ADAMTS12: variants seen among roughly 807,000 people sequenced by gnomAD.
The protein encoded by ADAMTS12 is ADAM metallopeptidase with thrombospondin type 1 motif 12.
A neutral mutation model predicts 167.8 loss-of-function variants in ADAMTS12; 118 were observed. The ratio of observed to expected loss-of-function variants is 0.70; its 90% confidence interval spans 0.61 to 0.82. ADAMTS12 has a LOEUF of 0.82. Ranked by LOEUF, ADAMTS12 falls within the 40% of genes least tolerant of loss-of-function variation. ADAMTS12 has a pLI of 0.00. For synonymous variants in ADAMTS12, 704 were observed against 716.9 expected (o/e 0.98, Z 0.29); for missense variants, 1,916 against 1,998.8 (o/e 0.96, Z 0.79).
In ADAMTS12 at chr5:33,832,351, G is replaced by C. The variant is rs1748333352; in HGVS notation, c.489+48768C>G. The stretch of plus-strand genomic sequence containing the variant: ...CTGTATGAACAGGTTCTACCTATTT[G>C]CTTTGCAATGAGAACAACCCAATAA... On this transcript the variant is annotated intron_variant, in intron 2 of 23. Transcript: ENST00000504830. 2.0e-5 allele frequency among the ~76,000 whole-genome samples: 3 copies of C among 152,150 alleles called. No individual in the cohort carries two copies. In the South Asian group the frequency reaches 6.2e-4, roughly 32 times the overall value.
intron 3 of ADAMTS12, among the ~76,000 whole-genome samples, chr5:33,746,130 C>A (rs1025790823): frequency 1.3e-5 from 2 of 152,210 alleles, no homozygotes; most frequent in African/African-American, 4.8e-5. Context: ...CACCTCTATT[C>A]ACAAGGCAAT....
At chr5:33,682,740 A>G (rs970348658) in intron 5 of ADAMTS12, among the ~76,000 whole-genome samples, 11 of 152,214 alleles carry the variant, frequency 7.2e-5, no homozygotes, top group African/African-American at 2.7e-4. Context: ...TTTCTTTTGC[A>G]GAACATCTTT....
chr5:33,531,366 G>A (rs1744093463), intron 23 of ADAMTS12, among the ~76,000 whole-genome samples: 1 of 152,106 alleles, frequency 6.6e-6, no homozygotes, highest in African/African-American at 2.4e-5. Flanking sequence ...CTCCATGAAA[G>A]CAGAAAAAAC....
chr5:33,596,060 C>T lies in ADAMTS12; in HGVS notation c.2528G>A (p.Gly843Asp), dbSNP rs763936773. 1 of 1,613,814 alleles carries T rather than the reference C, an allele frequency of 6.2e-7. No homozygotes were observed. The highest frequency in any genetic ancestry group is 2.2e-5 in the East Asian group (1 of 44,858). ...GCAATGGGCAGTTTGGCGGCGGATA[C>T]CTGGGGGTCAGACAGAAAGATTCAC... ...WTECSVTCGT[G>D]IRRQTAHCIK... Residue 843 changes from glycine (G) to aspartate (D), a missense_variant and splice_region_variant, in exon 17 of 24, where the codon GGT becomes GAT. Coordinates refer to ENST00000504830, the MANE Select transcript of ADAMTS12 (RefSeq NM_030955.4).
At chr5:33,670,434 T>G (rs555667282) in intron 5 of ADAMTS12, among the ~76,000 whole-genome samples, 1 of 152,246 alleles carries the variant, frequency 6.6e-6, no homozygotes, top group South Asian at 2.1e-4. Flanking sequence ...AACAGTTTGG[T>G]AGTTTCTTAA....
chr5:33,833,759 C>T (rs935154618), intron 2 of ADAMTS12, among the ~76,000 whole-genome samples: 2 of 152,042 alleles, frequency 1.3e-5, no homozygotes, highest in Non-Finnish European at 2.9e-5. Flanking sequence ...TCTTCTGTAG[C>T]TAGAAAAATT....
intron 19 of ADAMTS12, among the ~76,000 whole-genome samples, chr5:33,562,022 G>T (rs185053484): frequency 6.6e-6 from 1 of 152,306 alleles, no homozygotes; most frequent in Admixed American, 6.5e-5. Context: ...CTGCCCAAAG[G>T]GTTTTCTGTC....
chr5:33,849,485 A>AAT lies in ADAMTS12; in HGVS notation c.489+31632_489+31633dup, dbSNP rs371962427. Among the ~76,000 whole-genome samples the AAT allele has an allele frequency of 9.0e-5, 5 of 55,786 alleles. 1 individual carries two copies. Among genetic ancestry groups the AAT allele is most frequent in the Admixed American group, 5.4e-4 (3 of 5,512 alleles). The allele number at this position is 55,786 out of a possible 152,430, so 36.6% of individuals were successfully genotyped here. On this transcript the variant is annotated intron_variant, in intron 2 of 23. Transcript: ENST00000504830. ...AATATATATATATGTATTGCACAGC[A>AAT]ATATATATATATGTATTGCATAGCA...
chr5:33,874,395 A>G (rs1750151326), intron 2 of ADAMTS12, among the ~76,000 whole-genome samples: 2 of 152,260 alleles, frequency 1.3e-5, no homozygotes, highest in Admixed American at 1.3e-4. Flanking sequence ...CCACACATCT[A>G]TTGAAATGGT....
intron 19 of ADAMTS12, among the ~76,000 whole-genome samples, chr5:33,572,399 C>G (rs1376835639): frequency 6.6e-6 from 1 of 151,948 alleles, no homozygotes; most frequent in Non-Finnish European, 1.5e-5. Context: ...GCTTATCCAC[C>G]ATGATCAAGT....
chr5:33,738,387 C>A (rs1368167338), intron 3 of ADAMTS12, among the ~76,000 whole-genome samples: 1 of 152,078 alleles, frequency 6.6e-6, no homozygotes, highest in African/African-American at 2.4e-5. Context: ...ATGCTAATAG[C>A]CGCTTTAGGC....
chr5:33,832,326 C>T (rs1748332325), intron 2 of ADAMTS12, among the ~76,000 whole-genome samples: 1 of 152,092 alleles, frequency 6.6e-6, no homozygotes, highest in South Asian at 2.1e-4. Context: ...CTCATTTGTA[C>T]TGTATGAACA....
intron 3 of ADAMTS12, among the ~76,000 whole-genome samples, chr5:33,706,507 T>C (rs778665621): frequency 5.8e-4 from 88 of 152,312 alleles, no homozygotes; most frequent in African/African-American, 2.0e-3. Flanking sequence ...AATCAGAGAC[T>C]AGGATTGCAA....
At chr5:33,691,962 T>C (rs1002209005) in intron 3 of ADAMTS12, among the ~76,000 whole-genome samples, 1 of 152,238 alleles carries the variant, frequency 6.6e-6, no homozygotes, top group Non-Finnish European at 1.5e-5. Flanking sequence ...TCAGTGTCCC[T>C]ACCCCACTGG....
intron 3 of ADAMTS12, among the ~76,000 whole-genome samples, chr5:33,739,914 G>T (rs952080570): frequency 1.3e-5 from 2 of 152,228 alleles, no homozygotes; most frequent in African/African-American, 4.8e-5. Flanking sequence ...GATGTGAGAT[G>T]CCAGTGTGTA....
intron 2 of ADAMTS12, among the ~76,000 whole-genome samples, chr5:33,787,771 G>A (rs775989121): frequency 6.6e-6 from 1 of 152,194 alleles, no homozygotes; most frequent in Admixed American, 6.5e-5. Context: ...AGACATGACT[G>A]GTTACAGAAC....
In ADAMTS12 at chr5:33,689,284, C is replaced by G. The variant is rs180751220; in HGVS notation, c.635-5229G>C. On this transcript the variant is annotated intron_variant, in intron 3 of 23. Transcript: ENST00000504830. ...TATTCAAAGTCTCATAGCCAGTAAGCAGCAGGACCAGCATTTTAGCTGGTT... is the reference window on the plus strand; with the variant it reads ...TATTCAAAGTCTCATAGCCAGTAAGGAGCAGGACCAGCATTTTAGCTGGTT... 8.7e-4 allele frequency among the ~76,000 whole-genome samples: 133 copies of G among 152,194 alleles called. 3 individuals carry two copies. Among genetic ancestry groups the G allele is most frequent in the Admixed American group, 8.7e-3 (133 of 15,290 alleles).
chr5:33,617,630 T>A lies in ADAMTS12; in HGVS notation c.2144-1558A>T, dbSNP rs138367936. ...GATCACATGTAATCGAGGCTAATGG[T>A]TTTAAAAAATAAATGCCCTCCGAGT... On this transcript the variant is annotated intron_variant, in intron 14 of 23. Coordinates refer to ENST00000504830, the MANE Select transcript of ADAMTS12 (RefSeq NM_030955.4). Among the ~76,000 whole-genome samples, 414 of 152,216 alleles carry A rather than the reference T, an allele frequency of 2.7e-3. 3 individuals carry two copies. The highest frequency in any genetic ancestry group is 9.5e-3 in the African/African-American group (395 of 41,530).
chr5:33,869,625 G>A (rs1461357747), intron 2 of ADAMTS12, among the ~76,000 whole-genome samples: 2 of 152,166 alleles, frequency 1.3e-5, no homozygotes, highest in African/African-American at 4.8e-5. Flanking sequence ...TCAAAGGGGA[G>A]GGAGTGTACG....
Sources: allele counts gnomAD v4.1 joint callset (sites outside exome capture counted in the v4.1 genomes callset), GRCh38; gene constraint gnomAD v4.1.1; transcripts MANE v1.5; gene names NCBI Gene and HGNC (gene_info 2026-07-23, HGNC 2026-07-21).